Variants in GALP observed in about 807,000 individuals in gnomAD.
The protein encoded by GALP is galanin-like peptide.
GALP carries 12 observed loss-of-function variants against 15.2 expected under a neutral mutation model. That is an observed-to-expected ratio of 0.79 (90% confidence interval 0.51 to 1.28). The LOEUF is 1.28. Ranked by LOEUF, GALP falls within the 50% of genes most tolerant of loss-of-function variation. GALP has a pLI of 0.00. For missense variants in GALP, 161 were observed against 145.6 expected, an observed-to-expected ratio of 1.11 and a Z score of -0.55; for synonymous variants, 58 against 55.1, an observed-to-expected ratio of 1.05 and a Z score of -0.23.
intron 3 of GALP, among the ~76,000 whole-genome samples, chr19:56,181,886 G>T (rs545779026): frequency 2.7e-4 from 41 of 152,292 alleles, no homozygotes; most frequent in African/African-American, 8.4e-4. Flanking sequence ...AACCCAGGCT[G>T]CAGAGACAGT....
chr19:56,177,338 G>A (rs2032482415), intron 2 of GALP, 143 bp downstream of exon 2: 6 of 697,394 alleles, frequency 8.6e-6, no homozygotes, highest in South Asian at 5.3e-5. Context: ...GAAATATTGC[G>A]TGTCTCTACT....
chr19:56,183,088 A>G lies in GALP; in HGVS notation c.218-47A>G, dbSNP rs565438466. 22 of 1,351,038 alleles carry G rather than the reference A, an allele frequency of 1.6e-5. No homozygotes were observed. In the Admixed American group the frequency reaches 3.8e-4, roughly 24 times the overall value. 83.7% of individuals were successfully genotyped at this position (1,351,038 alleles called of 1,614,324 possible). A position where few individuals can be genotyped will look rare whatever the true frequency, so the allele number is the denominator to read the frequency against. On this transcript the variant is annotated intron_variant, in intron 4 of 5. Coordinates refer to ENST00000357330, the MANE Select transcript of GALP (RefSeq NM_033106.4). ...TGTGTGTTCTCATCGTTTAGCTCCC[A>G]CTTGTAACTACGAACGTGTGTGTGA...
chr19:56,182,148 C>T, intron 3 of GALP, 24 bp from the exon 4 acceptor site: 2 of 1,571,760 alleles, frequency 1.3e-6, no homozygotes, highest in Non-Finnish European at 8.8e-7. Context: ...ACCACCTGCT[C>T]TTGCTCTCTC....
intron 3 of GALP, among the ~76,000 whole-genome samples, chr19:56,181,548 G>A (rs1264465617): frequency 1.3e-5 from 2 of 151,614 alleles, no homozygotes; most frequent in South Asian, 2.1e-4. Context: ...GGGATTACAC[G>A]CATGCACCAC....
intron 2 of GALP, among the ~76,000 whole-genome samples, chr19:56,178,129 C>T (rs1337362880): frequency 2.0e-5 from 3 of 150,748 alleles, no homozygotes; most frequent in South Asian, 2.1e-4. Context: ...ACGTGTTGTG[C>T]ACCACGCCTG....
At chr19:56,180,363 C>A (rs1178441724) in intron 2 of GALP, among the ~76,000 whole-genome samples, 1 of 152,178 alleles carries the variant, frequency 6.6e-6, no homozygotes, top group Non-Finnish European at 1.5e-5. Context: ...CCCCAATAAC[C>A]ACCTTTCTCC....
intron 3 of GALP, among the ~76,000 whole-genome samples, chr19:56,180,902 TCTTTCTTTCTTTC>T (rs1054457924): frequency 1.1e-5 from 1 of 88,652 alleles, no homozygotes; most frequent in Non-Finnish European, 2.1e-5. Flanking sequence ...TTTCTTTCTT[TCTTTCTTTCTTTC>T]TTTTTTTTTT....
chr19:56,179,004 C>G, intron 2 of GALP, among the ~76,000 whole-genome samples: 1 of 152,070 alleles, frequency 6.6e-6, no homozygotes, highest in East Asian at 1.9e-4. Context: ...GCGAAACCCC[C>G]TGTCTCTATT....
At chr19:56,177,047 G>T in intron 1 of GALP, 23 bp from the exon 2 acceptor site, 1 of 1,319,646 alleles carries the variant, frequency 7.6e-7, no homozygotes, top group South Asian at 1.2e-5. Context: ...TTCGGAAAAT[G>T]ACTGGCCGCT....
At chr19:56,183,008 C>T (rs112965468) in intron 4 of GALP, 127 bp from the exon 5 acceptor site, 6 of 667,752 alleles carry the variant, frequency 9.0e-6, no homozygotes, top group African/African-American at 8.9e-5. Flanking sequence ...TCTCCCTCCT[C>T]CCCCTGCTCC....
chr19:56,181,913 G>A (rs1357255410), intron 3 of GALP, among the ~76,000 whole-genome samples: 1 of 152,176 alleles, frequency 6.6e-6, no homozygotes, highest in Non-Finnish European at 1.5e-5. Flanking sequence ...GGAGCAGAAA[G>A]AACGTGAGAT....
intron 5 of GALP, among the ~76,000 whole-genome samples, chr19:56,183,517 C>G (rs920132532): frequency 6.6e-6 from 1 of 152,220 alleles, no homozygotes; most frequent in Admixed American, 6.5e-5. Flanking sequence ...TGATCTCCCC[C>G]AGTATCACTC....
At chr19:56,177,035 G>C (rs182520658) in intron 1 of GALP, 35 bp from the exon 2 acceptor site, 40 of 1,132,140 alleles carry the variant, frequency 3.5e-5, no homozygotes, top group Non-Finnish European at 4.9e-5. Flanking sequence ...CCTGGCCCCC[G>C]CTTCGGAAAA....
chr19:56,180,445 C>A, intron 2 of GALP, 141 bp from the exon 3 acceptor site: 2 of 665,034 alleles, frequency 3.0e-6, no homozygotes, highest in African/African-American at 1.8e-5. Flanking sequence ...TCAATTTCCT[C>A]ATCGGTGCAA....
At chr19:56,180,387 C>A (rs533910821) in intron 2 of GALP, among the ~76,000 whole-genome samples, 199 bp from the exon 3 acceptor site, 1 of 152,286 alleles carries the variant, frequency 6.6e-6, no homozygotes, top group East Asian at 1.9e-4. Context: ...CACAACAGAA[C>A]GCTTTAAGCT....
chr19:56,180,277 T>C (rs1166442808), intron 2 of GALP, among the ~76,000 whole-genome samples: 1 of 152,210 alleles, frequency 6.6e-6, no homozygotes, highest in Non-Finnish European at 1.5e-5. Context: ...GCCATAGAGC[T>C]CTAGGACTTC....
intron 5 of GALP, among the ~76,000 whole-genome samples, 158 bp from the exon 6 acceptor site, chr19:56,185,057 T>C (rs1289876377): frequency 6.6e-6 from 1 of 151,974 alleles, no homozygotes; most frequent in African/African-American, 2.4e-5. Context: ...TCCCAGCACT[T>C]TGGGAGGCTG....
intron 2 of GALP, among the ~76,000 whole-genome samples, chr19:56,178,999 A>C (rs1407151077): frequency 6.6e-6 from 1 of 151,996 alleles, no homozygotes; most frequent in East Asian, 1.9e-4. Context: ...ACATGGCGAA[A>C]CCCCCTGTCT....
At chr19:56,180,948 C>T (rs770070741) in intron 3 of GALP, among the ~76,000 whole-genome samples, 6 of 125,032 alleles carry the variant, frequency 4.8e-5, no homozygotes, top group African/African-American at 9.5e-5. Flanking sequence ...GACAGAGTCT[C>T]GCTCTGTTGC....
Sources: gnomAD v4.1 joint callset for allele counts (sites outside exome capture counted in the v4.1 genomes callset) on GRCh38, gnomAD v4.1.1 for gene constraint, MANE v1.5 for transcripts, NCBI Gene and HGNC (gene_info 2026-07-23, HGNC 2026-07-21) for gene names.